HEATR3: variants seen among roughly 807,000 people sequenced by gnomAD.
HEATR3 encodes HEAT repeat containing 3, also known as HEAT repeat-containing protein 3.
HEATR3 carries 56 observed loss-of-function variants against 72.8 expected under a neutral mutation model. The ratio of observed to expected loss-of-function variants is 0.77; its 90% CI spans 0.62 to 0.96. The LOEUF (loss-of-function observed/expected upper bound fraction) is 0.96. HEATR3 is among the 40% of genes least tolerant of loss of function. The pLI, the probability that HEATR3 is intolerant of heterozygous loss-of-function variation, is 0.00. For missense variants in HEATR3, 747 were observed against 831.4 expected (o/e 0.90, Z 1.25); for synonymous variants, 331 against 318.1 (o/e 1.04, Z -0.43).
rs905359804 is a variant in HEATR3 at position 50,106,621 on chromosome 16, C to T, written c.*1560C>T. ...CTGTGCATCATTGTCTCGGCTGGGC[C>T]TCTGAACCGGCTTCATTGTCCATCC... On this transcript the variant is annotated 3_prime_UTR_variant, in exon 15 of 15. Transcript: ENST00000299192. 3.3e-5 allele frequency: 5 copies of T among 152,010 alleles called. No homozygotes were observed. Among genetic ancestry groups the T allele is most frequent in the Admixed American group, 6.6e-5 (1 of 15,242 alleles). 9.4% of individuals were successfully genotyped at this position (152,010 alleles called of 1,614,324 possible). A position where few individuals can be genotyped will look rare whatever the true frequency, so the allele number is the denominator to read the frequency against.
chr16:50,079,052 A>G lies in HEATR3; in HGVS notation c.1041+34A>G, dbSNP rs112548983. ...GGTTGCTGTTCTCAAATATGGATTA[A>G]TACAGCTGTTTTTTTTTTCCAGCAG... On this transcript the variant is annotated intron_variant, in intron 7 of 14. Coordinates refer to ENST00000299192, the MANE Select transcript of HEATR3 (RefSeq NM_182922.4). The G allele has an allele frequency of 2.8e-6, 4 of 1,449,818 alleles. No individual in the cohort carries two copies. In the Admixed American group the frequency reaches 1.0e-4, roughly 37 times the overall value. The allele number at this position is 1,449,818 out of a possible 1,614,324, so 89.8% of individuals were successfully genotyped here. A position where few individuals can be genotyped will look rare whatever the true frequency, so the allele number is the denominator to read the frequency against.
chr16:50,078,126 C>G (rs1307049012), intron 6 of HEATR3, among the ~76,000 whole-genome samples: 1 of 152,118 alleles, frequency 6.6e-6, no homozygotes, highest in African/African-American at 2.4e-5. Flanking sequence ...ATCCTCCCAC[C>G]TTGGCCTCCC....
chr16:50,088,058 C>T (rs1177644495), intron 11 of HEATR3, among the ~76,000 whole-genome samples: 5 of 152,052 alleles, frequency 3.3e-5, no homozygotes, highest in Admixed American at 2.0e-4. Flanking sequence ...ACCCGGGAGG[C>T]GGAGGTTGTG....
At chr16:50,089,755 G>GC (rs2037067477) in intron 11 of HEATR3, among the ~76,000 whole-genome samples, 1 of 151,668 alleles carries the variant, frequency 6.6e-6, no homozygotes, top group Non-Finnish European at 1.5e-5. Context: ...TGCAATTTCT[G>GC]CCCCCCAAGT....
At chr16:50,079,044 A>G (rs1034733256) in intron 7 of HEATR3, 26 bp downstream of exon 7, 5 of 1,549,518 alleles carry the variant, frequency 3.2e-6, no homozygotes, top group Non-Finnish European at 4.3e-6. Context: ...GTTCTCAAAT[A>G]TGGATTAATA....
Position 50,102,358 on chromosome 16 carries a change from A to C in HEATR3, c.1843A>C (p.Lys615Gln). The part of the protein sequence containing the change: ...DALFDVFADG[K>Q]EAERASIQIK... ...CCTCTTTGATGTTTTTGCAGATGGT[A>C]AAGAAGCCGAAAGAGCCTCGATTCA... Residue 615 changes from lysine (K) to glutamine (Q), a missense_variant, in exon 14 of 15, where the codon AAA (lysine) becomes CAA (glutamine). By Grantham distance (53) the Lys-to-Gln change is moderately conservative. Coordinates refer to ENST00000299192, the MANE Select transcript of HEATR3 (RefSeq NM_182922.4). 1 of 1,614,132 alleles carries C rather than the reference A, an allele frequency of 6.2e-7. No homozygotes were observed.
rs535864837 is a variant in HEATR3, at chr16:50,102,366, C to T, written c.1851C>T (p.Ala617=). 29 of 1,613,980 alleles carry T rather than the reference C, an allele frequency of 1.8e-5. No individual in the cohort carries two copies. The highest frequency in any genetic ancestry group is 1.1e-4 in the East Asian group (5 of 44,868). Residue 617 remains alanine (A), a synonymous_variant, in exon 14 of 15, where the codon GCC becomes GCT. Coordinates refer to ENST00000299192, the MANE Select transcript of HEATR3 (RefSeq NM_182922.4). ...ATGTTTTTGCAGATGGTAAAGAAGCCGAAAGAGCCTCGATTCAAATTAAAT... is the reference window on the plus strand; with the variant it reads ...ATGTTTTTGCAGATGGTAAAGAAGCTGAAAGAGCCTCGATTCAAATTAAAT... ...LFDVFADGKE[A]ERASIQIKLL...
Position 50,105,154 on chromosome 16 carries a change from ATT to A in HEATR3, c.*98_*99del. The A allele has an allele frequency of 7.4e-7, 1 of 1,350,238 alleles. No homozygotes were observed. The highest frequency in any genetic ancestry group is 1.0e-6 in the Non-Finnish European group (1 of 971,100). 83.6% of individuals were successfully genotyped at this position (1,350,238 alleles called of 1,614,324 possible). ...TTGAATGTATATGTTTCTGAAAGTC[ATT>A]TTTTAATGATTACATTCTGTACATT... On this transcript the variant is annotated 3_prime_UTR_variant, in exon 15 of 15. Coordinates refer to ENST00000299192, the MANE Select transcript of HEATR3 (RefSeq NM_182922.4).
chr16:50,083,708 C>T (rs2036921098), intron 7 of HEATR3, among the ~76,000 whole-genome samples: 1 of 152,146 alleles, frequency 6.6e-6, no homozygotes, highest in Non-Finnish European at 1.5e-5. Flanking sequence ...AATAGCCATG[C>T]AGATAGATGG....
chr16:50,075,506 A>G (rs932049437), intron 5 of HEATR3, 65 bp from the exon 6 acceptor site: 4 of 1,425,394 alleles, frequency 2.8e-6, no homozygotes, highest in Non-Finnish European at 2.9e-6. Flanking sequence ...TTGATGAGTT[A>G]TACTGGTGTA....
At chr16:50,090,126 G>A (rs1186590972) in intron 11 of HEATR3, among the ~76,000 whole-genome samples, 1 of 152,040 alleles carries the variant, frequency 6.6e-6, no homozygotes, top group Non-Finnish European at 1.5e-5. Context: ...GAGCTGAATT[G>A]GGAGGATCAC....
chr16:50,081,747 A>C (rs1229445901), intron 7 of HEATR3, among the ~76,000 whole-genome samples: 1 of 152,190 alleles, frequency 6.6e-6, no homozygotes, highest in Non-Finnish European at 1.5e-5. Context: ...TATAACCACA[A>C]AGATATAAAG....
At chr16:50,067,892 A>G (rs960197462) in intron 2 of HEATR3, among the ~76,000 whole-genome samples, 1 of 152,232 alleles carries the variant, frequency 6.6e-6, no homozygotes, top group Non-Finnish European at 1.5e-5. Context: ...GAGGGAGACA[A>G]GCATTAACCA....
intron 11 of HEATR3, among the ~76,000 whole-genome samples, chr16:50,091,766 C>T (rs1266944965): frequency 1.4e-5 from 2 of 146,670 alleles, no homozygotes; most frequent in African/African-American, 2.5e-5. Flanking sequence ...CCCAGCTACT[C>T]GGGAGGCTGA....
chr16:50,093,784 A>G (rs2150620839), intron 11 of HEATR3, among the ~76,000 whole-genome samples: 1 of 152,314 alleles, frequency 6.6e-6, no homozygotes, highest in Non-Finnish European at 1.5e-5. Context: ...TCCTCATAAC[A>G]GGATGGCTGG....
intron 13 of HEATR3, 46 bp from the exon 14 acceptor site, chr16:50,102,213 T>G (rs1483551754): frequency 6.5e-7 from 1 of 1,530,126 alleles, no homozygotes; most frequent in East Asian, 2.3e-5. Context: ...GGTACTTGTT[T>G]TGGAGACTGG....
rs954895066 is a variant in HEATR3 at position 50,066,895 on chromosome 16, A to T, written c.311+356A>T. 1.7e-5 allele frequency: 4 copies of T among 238,360 alleles called. No individual in the cohort carries two copies. The East Asian group carries it at 3.3e-4, about 19-fold the overall frequency. 14.8% of individuals were successfully genotyped at this position (238,360 alleles called of 1,614,324 possible). On this transcript the variant is annotated intron_variant, in intron 2 of 14. Coordinates refer to ENST00000299192, the MANE Select transcript of HEATR3 (RefSeq NM_182922.4). ...ATGCAGGGGACTTTGAGCAGCCAAG[A>T]CTTTTGAGCGAGATCTGTTGACAGC...
At position 50,082,712 on chromosome 16, in the gene HEATR3, A is replaced by G. The variant is rs1442909397; in HGVS notation, c.1042-1225A>G. 4.0e-5 allele frequency among the ~76,000 whole-genome samples: 6 copies of G among 150,422 alleles called. No individual in the cohort carries two copies. The South Asian group carries it at 1.3e-3, about 32-fold the overall frequency. ...TGAGGTGGGAGGATTACTTGAGGTC[A>G]GGATTTCAAGACCAGCTTGGGCAAT... On this transcript the variant is annotated intron_variant, in intron 7 of 14. Transcript: ENST00000299192.
intron 11 of HEATR3, among the ~76,000 whole-genome samples, chr16:50,088,083 C>T (rs867427182): frequency 1.3e-5 from 2 of 151,966 alleles, no homozygotes; most frequent in South Asian, 2.1e-4. Flanking sequence ...GCCAAGATCG[C>T]GCCATTGCAC....
Sources: gnomAD v4.1 joint callset for allele counts (sites outside exome capture counted in the v4.1 genomes callset) on GRCh38, gnomAD v4.1.1 for gene constraint, MANE v1.5 for transcripts, NCBI Gene and HGNC (gene_info 2026-07-23, HGNC 2026-07-21) for gene names.